ZNF362: variants seen among roughly 807,000 people sequenced by gnomAD.
ZNF362 encodes the protein zinc finger protein 362, also known as rotund homolog.
Under a neutral mutation model 42.9 loss-of-function variants are expected in ZNF362, and 11 were observed. The observed-to-expected ratio is 0.26, with a 90% CI of 0.16 to 0.42. The LOEUF is 0.42. ZNF362 is among the 20% of genes least tolerant of loss of function. The pLI, the probability that ZNF362 is intolerant of heterozygous loss-of-function variation, is 1.00. For synonymous variants in ZNF362, 255 were observed against 257.3 expected (o/e 0.99, Z 0.09); for missense variants, 362 against 576.2 (o/e 0.63, Z 3.81).
At chr1:33,136,313 TTTC>T in the ZNF362 span, among the ~76,000 whole-genome samples, 3 of 147,080 alleles carry the variant, frequency 2.0e-5, no homozygotes, top group Non-Finnish European at 3.1e-5. Flanking sequence ...TCTTTCTTTC[TTTC>T]TTTTTCTTTC....
the ZNF362 span, chr1:33,147,291 G>C: frequency 1.2e-6 from 2 of 1,614,186 alleles, no homozygotes; most frequent in Non-Finnish European, 1.7e-6. This position sits in a 1 kb window ranked among gnomAD's most constrained non-coding sequence, Gnocchi z 8.1. Flanking sequence ...GGAAGGTGTA[G>C]AGCCAGGACA....
the ZNF362 span, chr1:33,158,247 C>A: frequency 6.2e-7 from 1 of 1,611,286 alleles, no homozygotes; most frequent in African/African-American, 1.3e-5. Context: ...ATAACCCATG[C>A]CTTACCTGGG....
At chr1:33,188,527 A>G in the ZNF362 span, among the ~76,000 whole-genome samples, 1 of 152,214 alleles carries the variant, frequency 6.6e-6, no homozygotes, top group African/African-American at 2.4e-5. Context: ...CCATGAAGTC[A>G]TAGAAGAGTC....
intron 2 of ZNF362, chr1:33,274,927 C>A: frequency 1.0e-6 from 1 of 984,286 alleles, no homozygotes; most frequent in Non-Finnish European, 1.2e-6. Context: ...AAATTTCTTT[C>A]TTAAAATATT....
the ZNF362 span, among the ~76,000 whole-genome samples, chr1:33,238,434 AAAAT>A: frequency 6.6e-6 from 1 of 151,826 alleles, no homozygotes; most frequent in Non-Finnish European, 1.5e-5. Flanking sequence ...TTCAAACTAA[AAAAT>A]AAAATCCCTT....
the ZNF362 span, among the ~76,000 whole-genome samples, chr1:33,161,462 G>A: frequency 1.1e-4 from 16 of 152,140 alleles, no homozygotes; most frequent in African/African-American, 3.9e-4. This position sits in a 1 kb window ranked among gnomAD's most constrained non-coding sequence, Gnocchi z 4.3. Flanking sequence ...AGGGCTCTGT[G>A]GGAGGCTCTA....
chr1:33,256,950 T>C (rs1177731493), intron 1 of ZNF362, among the ~76,000 whole-genome samples: 4 of 151,874 alleles, frequency 2.6e-5, no homozygotes, highest in Non-Finnish European at 4.4e-5. Context: ...GTGTGTTTTC[T>C]TAAGCCGGGC....
At chr1:33,156,685 A>G in the ZNF362 span, among the ~76,000 whole-genome samples, 1 of 152,266 alleles carries the variant, frequency 6.6e-6, no homozygotes, top group Non-Finnish European at 1.5e-5. Context: ...TCCATATGCT[A>G]ATGATGCTGG....
At chr1:33,198,095 A>G in the ZNF362 span, among the ~76,000 whole-genome samples, 1 of 152,224 alleles carries the variant, frequency 6.6e-6, no homozygotes, top group Non-Finnish European at 1.5e-5. Context: ...AAGCTAAAGA[A>G]TATTTATAGG....
At chr1:33,154,303 G>C in the ZNF362 span, among the ~76,000 whole-genome samples, 11 of 152,054 alleles carry the variant, frequency 7.2e-5, no homozygotes, top group African/African-American at 2.7e-4. Flanking sequence ...GACAGCCCTG[G>C]AGCAGGGAGC....
the ZNF362 span, among the ~76,000 whole-genome samples, chr1:33,183,986 G>A: frequency 2.0e-5 from 3 of 151,978 alleles, no homozygotes; most frequent in Admixed American, 6.5e-5. Flanking sequence ...CTAATGAGGG[G>A]GTGGGGAAAG....
chr1:33,236,572 T>TATATATATATATATAC, the ZNF362 span, among the ~76,000 whole-genome samples: 6 of 98,704 alleles, frequency 6.1e-5, no homozygotes, highest in Admixed American at 2.5e-4. Flanking sequence ...TATATATATA[T>TATATATATATATATAC]ACATACACAC....
chr1:33,272,659 C>T (rs1243090462), intron 2 of ZNF362, among the ~76,000 whole-genome samples: 2 of 152,148 alleles, frequency 1.3e-5, no homozygotes, highest in Admixed American at 6.5e-5. Flanking sequence ...CCCCGGGTGG[C>T]TGTTCTGTCT....
At chr1:33,254,273 C>T (rs943964457), upstream of ZNF362, among the ~76,000 whole-genome samples, 15 of 152,030 alleles carry the variant, frequency 9.9e-5, no homozygotes, top group Non-Finnish European at 1.5e-4. Flanking sequence ...ACTACAGGCA[C>T]GTGCCACGCC....
chr1:33,187,865 T>C, the ZNF362 span, among the ~76,000 whole-genome samples: 1 of 152,236 alleles, frequency 6.6e-6, no homozygotes, highest in African/African-American at 2.4e-5. Flanking sequence ...CACTCATTTC[T>C]TGGCTTCCAG....
the ZNF362 span, among the ~76,000 whole-genome samples, chr1:33,221,693 CAA>C: frequency 6.6e-6 from 1 of 152,150 alleles, no homozygotes; most frequent in African/African-American, 2.4e-5. Flanking sequence ...TGGCTCATTC[CAA>C]AGACAATTCA....
At chr1:33,205,572 G>A in the ZNF362 span, among the ~76,000 whole-genome samples, 1 of 152,042 alleles carries the variant, frequency 6.6e-6, no homozygotes, top group Non-Finnish European at 1.5e-5. Flanking sequence ...TTGACTTTAT[G>A]ACATTATAAA....
chr1:33,295,030 G>A lies in ZNF362; in HGVS notation c.987+15G>A. 6.2e-7 allele frequency: 1 copy of A among 1,613,972 alleles called. No homozygotes were observed. Among genetic ancestry groups the A allele is most frequent in the South Asian group, 1.1e-5 (1 of 91,074 alleles). The stretch of plus-strand genomic sequence containing the variant: ...CCAACCTCCAGGTGAGTGCCTGCCT[G>A]CCTCCTGCCCACCAGGTGCTCTGGT... On this transcript the variant is annotated intron_variant, in intron 7 of 8. Transcript: ENST00000539719.
At chr1:33,155,944 T>C in the ZNF362 span, among the ~76,000 whole-genome samples, 1 of 152,358 alleles carries the variant, frequency 6.6e-6, no homozygotes, top group Non-Finnish European at 1.5e-5. Context: ...TCTCCGCTGA[T>C]GATCTTGCTT....
Sources: gnomAD v4.1 joint callset for allele counts (sites outside exome capture counted in the v4.1 genomes callset) on GRCh38, gnomAD v4.1.1 for gene constraint, Gnocchi (gnomAD v3.1) non-coding constraint, MANE v1.5 for transcripts, NCBI Gene and HGNC (gene_info 2026-07-23, HGNC 2026-07-21) for gene names.